RGS22: variants seen among roughly 807,000 people sequenced by gnomAD.
RGS22 encodes the protein regulator of G-protein signaling 22.
A neutral mutation model predicts 172.9 loss-of-function variants in RGS22; 148 were observed. The ratio of observed to expected loss-of-function variants is 0.86; its 90% confidence interval spans 0.75 to 0.98. The LOEUF (loss-of-function observed/expected upper bound fraction) is 0.98. Among genes scored for constraint, RGS22 ranks in the 50% least tolerant of loss-of-function variants. RGS22 has a pLI of 0.00. For missense variants in RGS22, 1,347 were observed against 1,440.8 expected (o/e 0.93, Z 1.05); for synonymous variants, 458 against 480.2 (o/e 0.95, Z 0.60).
intron 21 of RGS22, among the ~76,000 whole-genome samples, chr8:99,984,585 T>C (rs1404728063): frequency 6.6e-6 from 1 of 152,184 alleles, no homozygotes; most frequent in Non-Finnish European, 1.5e-5. Context: ...GGTACTCCCA[T>C]AGCACACTGT....
At chr8:99,981,487 A>G (rs533949931) in intron 22 of RGS22, among the ~76,000 whole-genome samples, 7 of 152,322 alleles carry the variant, frequency 4.6e-5, no homozygotes, top group African/African-American at 1.7e-4. Context: ...GTTAAAAACA[A>G]AAATGGTAAC....
chr8:100,001,209 TATATATATATAC>T (rs989697603), intron 18 of RGS22, among the ~76,000 whole-genome samples: 18 of 134,912 alleles, frequency 1.3e-4, no homozygotes, highest in Non-Finnish European at 4.7e-5. Context: ...TTTTTATATA[TATATATATATAC>T]ATATATATAT....
intron 10 of RGS22, among the ~76,000 whole-genome samples, chr8:100,047,944 C>T (rs1184400614): frequency 7.8e-6 from 1 of 128,528 alleles, no homozygotes; most frequent in African/African-American, 3.2e-5. Flanking sequence ...GTATGTGTGG[C>T]GAGGGCTGTG....
At chr8:100,000,678 C>G (rs932673383) in intron 18 of RGS22, among the ~76,000 whole-genome samples, 1 of 152,144 alleles carries the variant, frequency 6.6e-6, no homozygotes, top group African/African-American at 2.4e-5. Context: ...TGAAACCTCA[C>G]GCAATGTAGC....
chr8:100,099,395 A>G lies in RGS22; in HGVS notation c.55-5886T>C, dbSNP rs181807140. Among the ~76,000 whole-genome samples, 6 of 152,320 alleles carry G rather than the reference A, an allele frequency of 3.9e-5. No homozygotes were observed. In the East Asian group the frequency reaches 1.2e-3, roughly 29 times the overall value. On this transcript the variant is annotated intron_variant, in intron 2 of 27. Coordinates refer to ENST00000360863, the MANE Select transcript of RGS22 (RefSeq NM_015668.5). ...CACACCCTTGGTCACCTTGTCTCCC[A>G]TTCTATACTTTACAGGTAAAAAGAG...
chr8:100,094,995 C>T (rs921701173), intron 2 of RGS22, among the ~76,000 whole-genome samples: 13 of 152,180 alleles, frequency 8.5e-5, no homozygotes, highest in Admixed American at 2.6e-4. Context: ...CTAAAGTATA[C>T]ATTTCATTTT....
At chr8:100,033,995 C>T (rs1819152615) in intron 14 of RGS22, among the ~76,000 whole-genome samples, 1 of 152,122 alleles carries the variant, frequency 6.6e-6, no homozygotes, top group Non-Finnish European at 1.5e-5. Context: ...ATGACAAACC[C>T]ACAGCCAATA....
chr8:100,105,840 G>A, intron 1 of RGS22, 57 bp downstream of exon 1: 3 of 1,419,960 alleles, frequency 2.1e-6, no homozygotes, highest in Non-Finnish European at 2.8e-6. Context: ...AGGCTGGCGC[G>A]TGGTGCGGCC....
intron 3 of RGS22, among the ~76,000 whole-genome samples, chr8:100,082,613 T>C (rs1408232900): frequency 6.6e-6 from 1 of 152,162 alleles, no homozygotes; most frequent in Non-Finnish European, 1.5e-5. Flanking sequence ...GATGGCTAAG[T>C]GGTGGTCCAT....
In RGS22 at chr8:100,063,575, G is replaced by A. The variant is rs370599090; in HGVS notation, c.1193C>T (p.Ala398Val). 9 of 1,613,756 alleles carry A rather than the reference G, an allele frequency of 5.6e-6. No individual in the cohort carries two copies. Among genetic ancestry groups the A allele is most frequent in the African/African-American group, 5.3e-5 (4 of 74,850 alleles). Reference protein sequence around the residue: ...KNESAGPESRADWCISHRTYD... With the variant: ...KNESAGPESRVDWCISHRTYD... ...AGTCCTATGAGAAATACACCAGTCC[G>A]CCCTGCTCTCTGGTCCAGCGCTCTC... The change falls in exon 8 of 28, where the codon GCG becomes GTG. Residue 398 changes from alanine (A) to valine (V), a missense_variant. Coordinates refer to ENST00000360863, the MANE Select transcript of RGS22 (RefSeq NM_015668.5).
chr8:100,104,388 C>G (rs1259345023), intron 2 of RGS22, among the ~76,000 whole-genome samples: 1 of 150,054 alleles, frequency 6.7e-6, no homozygotes, highest in Non-Finnish European at 1.5e-5. Context: ...AAGCAGAGCT[C>G]TGTCAACATG....
Position 100,062,597 on chromosome 8 carries a change from A to G in RGS22, c.1508T>C (p.Leu503Pro), listed in dbSNP as rs376900461. The change falls in exon 9 of 28, where the codon CTG becomes CCG. Residue 503 changes from leucine to proline, a missense_variant. By Grantham distance (98) the Leu-to-Pro change is moderately conservative (BLOSUM62 -3). Coordinates refer to ENST00000360863, the MANE Select transcript of RGS22 (RefSeq NM_015668.5). Reference protein sequence around the residue: ...IQSEVLKPLLLYWAPRFCVTH... With the variant: ...IQSEVLKPLLPYWAPRFCVTH... ...CTGATTCATGTTTTCTTACCAATAC[A>G]GAAGTAAAGGTTTTAAAACTTCAGA... 3 of 1,590,786 alleles carry G rather than the reference A, an allele frequency of 1.9e-6. No homozygotes were observed. Among genetic ancestry groups the G allele is most frequent in the Non-Finnish European group, 2.6e-6 (3 of 1,162,206 alleles).
intron 18 of RGS22, among the ~76,000 whole-genome samples, chr8:100,001,219 T>TATATATATATATATATATACATAC (rs1402594104): frequency 1.4e-4 from 18 of 132,946 alleles, no homozygotes; most frequent in African/African-American, 4.8e-4. Context: ...TATATATATA[T>TATATATATATATATATATACATAC]ACATATATAT....
At chr8:100,085,763 A>G (rs1812111532) in intron 3 of RGS22, among the ~76,000 whole-genome samples, 1 of 152,218 alleles carries the variant, frequency 6.6e-6, no homozygotes, top group South Asian at 2.1e-4. Context: ...CTCATCTTCC[A>G]TCTCACACCC....
intron 18 of RGS22, among the ~76,000 whole-genome samples, chr8:100,000,273 CTACTAA>C (rs1160078861): frequency 1.3e-5 from 2 of 152,020 alleles, no homozygotes; most frequent in Non-Finnish European, 2.9e-5. Context: ...TATAATACCA[CTACTAA>C]TACTATTGTT....
intron 4 of RGS22, among the ~76,000 whole-genome samples, chr8:100,078,436 ATATAT>A (rs1043925961): frequency 3.3e-5 from 5 of 150,488 alleles, no homozygotes; most frequent in African/African-American, 7.3e-5. Flanking sequence ...TATTAATCAT[ATATAT>A]TATATGATTA....
intron 14 of RGS22, among the ~76,000 whole-genome samples, chr8:100,032,915 C>T (rs1818998276): frequency 6.6e-6 from 1 of 152,168 alleles, no homozygotes; most frequent in South Asian, 2.1e-4. Context: ...TCCTGAATGA[C>T]TACTGAGTAA....
At chr8:100,064,645 C>T (rs1215833202) in intron 7 of RGS22, among the ~76,000 whole-genome samples, 1 of 152,036 alleles carries the variant, frequency 6.6e-6, no homozygotes, top group African/African-American at 2.4e-5. Flanking sequence ...TACAAAAATA[C>T]ATTATGTACT....
At chr8:100,058,186 A>C (rs1809807061) in intron 9 of RGS22, among the ~76,000 whole-genome samples, 1 of 151,398 alleles carries the variant, frequency 6.6e-6, no homozygotes. Flanking sequence ...AAAAAAAAAA[A>C]CAACAACAAT....
Sources: allele counts gnomAD v4.1 joint callset (sites outside exome capture counted in the v4.1 genomes callset), GRCh38; gene constraint gnomAD v4.1.1; transcripts MANE v1.5; gene names NCBI Gene and HGNC (gene_info 2026-07-23, HGNC 2026-07-21).